PDE6C: variants seen among roughly 807,000 people sequenced by gnomAD.
PDE6C encodes the protein phosphodiesterase 6C.
In PDE6C, 75 loss-of-function variants were observed where a neutral mutation model predicts 113.1. The ratio of observed to expected loss-of-function variants is 0.66; its 90% confidence interval spans 0.55 to 0.80. The LOEUF (loss-of-function observed/expected upper bound fraction) is 0.80. Ranked by LOEUF, PDE6C falls within the 30% of genes least tolerant of loss-of-function variation. The pLI, the probability that PDE6C is intolerant of heterozygous loss-of-function variation, is 0.00. For synonymous variants in PDE6C, 375 were observed against 363.7 expected (o/e 1.03, Z -0.35); for missense variants, 912 against 1,038.6 (o/e 0.88, Z 1.67).
intron 14 of PDE6C, among the ~76,000 whole-genome samples, chr10:93,643,450 A>T (rs549570461): frequency 6.6e-6 from 1 of 152,194 alleles, no homozygotes; most frequent in African/African-American, 2.4e-5. Context: ...CTGCAGTGGC[A>T]TGATCACAGC....
chr10:93,657,141 G>GT (rs556447573), intron 16 of PDE6C, among the ~76,000 whole-genome samples: 83 of 151,622 alleles, frequency 5.5e-4, no homozygotes, highest in African/African-American at 1.8e-3. Context: ...ATATGGTATT[G>GT]TTGTGTGTTG....
At chr10:93,625,033 T>C (rs1259356487) in intron 4 of PDE6C, among the ~76,000 whole-genome samples, 1 of 152,178 alleles carries the variant, frequency 6.6e-6, no homozygotes, top group East Asian at 1.9e-4. Flanking sequence ...CCTTCTTCAA[T>C]GTCCAGATCT....
At chr10:93,640,384 A>G in intron 12 of PDE6C, 66 bp from the exon 13 acceptor site, 3 of 1,332,498 alleles carry the variant, frequency 2.3e-6, no homozygotes, top group Non-Finnish European at 3.2e-6. Flanking sequence ...TTTAGATAAG[A>G]TTGCCACAGA....
At chr10:93,617,852 G>T (rs2058427072) in intron 1 of PDE6C, among the ~76,000 whole-genome samples, 1 of 152,198 alleles carries the variant, frequency 6.6e-6, no homozygotes, top group South Asian at 2.1e-4. Context: ...TTCCTTTAGT[G>T]CCCAGGCTGT....
At position 93,637,154 on chromosome 10, in the gene PDE6C, A is replaced by G. The variant is rs1316798915; in HGVS notation, c.1482+91A>G. On this transcript the variant is annotated intron_variant, in intron 11 of 21. Transcript: ENST00000371447. ...GGACATGCTTTCTTGTTTTTCAAGT[A>G]AATGTTGAGTTTTCTCTTTCCTGAT... The G allele has an allele frequency of 2.6e-5, 19 of 726,416 alleles. No homozygotes were observed. In the Admixed American group the frequency reaches 3.8e-4, roughly 15 times the overall value. 45.0% of individuals were successfully genotyped at this position (726,416 alleles called of 1,614,324 possible).
Position 93,665,391 on chromosome 10 carries a change from A to G in PDE6C, c.2550A>G (p.Lys850=). The change falls in exon 22 of 22, where the codon AAA becomes AAG. Residue 850 remains lysine (K), a synonymous_variant. Coordinates refer to ENST00000371447, the MANE Select transcript of PDE6C (RefSeq NM_006204.4). ...AAEDSGGGDD[K]KSKTCLML ...AAGATTCAGGAGGTGGTGATGACAA[A>G]AAGTCCAAAACATGTTTAATGTTGT... The G allele has an allele frequency of 1.2e-6, 2 of 1,609,758 alleles. No homozygotes were observed. Among genetic ancestry groups the G allele is most frequent in the Non-Finnish European group, 8.5e-7 (1 of 1,176,164 alleles).
intron 15 of PDE6C, among the ~76,000 whole-genome samples, chr10:93,651,530 C>T (rs983594945): frequency 6.6e-6 from 1 of 152,200 alleles, no homozygotes; most frequent in Non-Finnish European, 1.5e-5. Flanking sequence ...ATCATGAGAA[C>T]AGCGTGGGAG....
chr10:93,622,639 G>GTTTTTTTTTTTTTTTTTTTTTTTTTTTT (rs67350128), intron 4 of PDE6C, among the ~76,000 whole-genome samples: 6 of 113,990 alleles, frequency 5.3e-5, no homozygotes, highest in South Asian at 5.2e-4. Context: ...GTAGCCACAG[G>GTTTTTTTTTTTTTTTTTTTTTTTTTTTT]TTTTTTTTTT....
chr10:93,662,411 C>T (rs1004559904), intron 19 of PDE6C, 149 bp from the exon 20 acceptor site: 15 of 611,058 alleles, frequency 2.5e-5, no homozygotes, highest in Non-Finnish European at 3.2e-5. Context: ...TGCAGTGAGC[C>T]GAGATTGTGG....
At chr10:93,643,643 A>C (rs896752240) in intron 14 of PDE6C, among the ~76,000 whole-genome samples, 1 of 151,292 alleles carries the variant, frequency 6.6e-6, no homozygotes, top group Non-Finnish European at 1.5e-5. Context: ...CTCCTGCCTC[A>C]GCCTCCCAAG....
Position 93,626,676 on chromosome 10 carries a change from CA to C in PDE6C, c.977del (p.His326LeufsTer8). 6.3e-7 allele frequency: 1 copy of C among 1,599,698 alleles called. No individual in the cohort carries two copies. The highest frequency in any genetic ancestry group is 2.2e-5 in the East Asian group (1 of 44,800). On this transcript the variant is annotated frameshift_variant, in exon 6 of 22. Coordinates refer to ENST00000371447, the MANE Select transcript of PDE6C (RefSeq NM_006204.4). LOFTEE classifies it high-confidence loss of function. ...NFYKIIDYIL[H>X]GKEEIKVIPT... ...TTATAAAATCATTGATTACATTTTA[CA>C]TGGAAAAGAAGAGATCAAAGTGATT...
At position 93,659,235 on chromosome 10, in the gene PDE6C, A is replaced by G. The variant is rs2058655315; in HGVS notation, c.2208+68A>G. The G allele has an allele frequency of 8.3e-6, 9 of 1,086,910 alleles. No homozygotes were observed. In the South Asian group the frequency reaches 1.2e-4, roughly 14 times the overall value. 67.3% of individuals were successfully genotyped at this position (1,086,910 alleles called of 1,614,324 possible). A position where few individuals can be genotyped will look rare whatever the true frequency, so the allele number is the denominator to read the frequency against. On this transcript the variant is annotated intron_variant, in intron 18 of 21. Coordinates refer to ENST00000371447, the MANE Select transcript of PDE6C (RefSeq NM_006204.4). ...CTGCCTAGGTCCCATGTAAATGTCCACCTAAAGATCTCAGGCAACCTCAGA... is the reference window on the plus strand; with the variant it reads ...CTGCCTAGGTCCCATGTAAATGTCCGCCTAAAGATCTCAGGCAACCTCAGA...
Position 93,621,060 on chromosome 10 carries a change from C to T in PDE6C, c.723+80C>T, listed in dbSNP as rs80016504. The T allele has an allele frequency of 2.8e-4, 322 of 1,144,722 alleles. No homozygotes were observed. The East Asian group carries it at 7.1e-3, about 25-fold the overall frequency. The allele number at this position is 1,144,722 out of a possible 1,614,324, so 70.9% of individuals were successfully genotyped here. A position where few individuals can be genotyped will look rare whatever the true frequency, so the allele number is the denominator to read the frequency against. On this transcript the variant is annotated intron_variant, in intron 3 of 21. Transcript: ENST00000371447. ...CCAGAGACAACAAATTCAGACCCCT[C>T]CTATTCCTCCTGGGGGTGTAAGCCA... is the stretch of plus-strand genomic sequence containing the variant.
At chr10:93,660,789 A>C (rs1564806373) in intron 18 of PDE6C, among the ~76,000 whole-genome samples, 1 of 151,944 alleles carries the variant, frequency 6.6e-6, no homozygotes, top group Non-Finnish European at 1.5e-5. Context: ...CTCATTTCAA[A>C]ATCATTTATA....
At position 93,665,540 on chromosome 10, in the gene PDE6C, A is replaced by T; in HGVS notation, c.*122A>T. The T allele has an allele frequency of 1.4e-6, 1 of 732,440 alleles. No homozygotes were observed. The highest frequency in any genetic ancestry group is 1.6e-5 in the South Asian group (1 of 64,268). The allele number at this position is 732,440 out of a possible 1,614,324, so 45.4% of individuals were successfully genotyped here. ...TCTTCAGAAAAACTACCCTGTGACTATGAAGAAAATATATATTGCTAGCCC... is the reference window on the plus strand; with the variant it reads ...TCTTCAGAAAAACTACCCTGTGACTTTGAAGAAAATATATATTGCTAGCCC... On this transcript the variant is annotated 3_prime_UTR_variant, in exon 22 of 22. Transcript: ENST00000371447.
intron 11 of PDE6C, among the ~76,000 whole-genome samples, chr10:93,639,359 G>A (rs1169869704): frequency 6.6e-6 from 1 of 152,178 alleles, no homozygotes; most frequent in South Asian, 2.1e-4. Context: ...TTCCTTAAGG[G>A]CAAGATACAT....
chr10:93,648,495 T>G (rs571063938), intron 15 of PDE6C, among the ~76,000 whole-genome samples: 5 of 152,280 alleles, frequency 3.3e-5, no homozygotes, highest in Admixed American at 3.3e-4. Flanking sequence ...CTAAAGAAAA[T>G]ACACACATTA....
chr10:93,613,390 A>C (rs903577160), intron 1 of PDE6C, among the ~76,000 whole-genome samples, 185 bp downstream of exon 1: 7 of 152,232 alleles, frequency 4.6e-5, no homozygotes, highest in African/African-American at 1.7e-4. Flanking sequence ...CAAGTTGCCC[A>C]GTTGAACTTG....
At chr10:93,644,009 C>A (rs1035340239) in intron 14 of PDE6C, among the ~76,000 whole-genome samples, 1 of 152,138 alleles carries the variant, frequency 6.6e-6, no homozygotes, top group Non-Finnish European at 1.5e-5. Context: ...AGTTGCTCAA[C>A]CTTTTTGTGT....
Sources: allele counts gnomAD v4.1 joint callset (sites outside exome capture counted in the v4.1 genomes callset), GRCh38; gene constraint gnomAD v4.1.1; transcripts MANE v1.5; gene names NCBI Gene and HGNC (gene_info 2026-07-23, HGNC 2026-07-21).